Variants in CNTN4 observed in about 807,000 individuals in gnomAD.
The protein encoded by CNTN4 is contactin 4.
In CNTN4, 77 loss-of-function variants were observed where a neutral mutation model predicts 122.5. That is an observed-to-expected ratio of 0.63 (90% CI 0.52 to 0.76). The LOEUF (loss-of-function observed/expected upper bound fraction) is 0.76. Among genes scored for constraint, CNTN4 ranks in the 30% least tolerant of loss-of-function variants. The probability of loss-of-function intolerance (pLI) is 0.00; values close to 1 mark genes in which losing one functional copy is unlikely to be tolerated. For synonymous variants in CNTN4, 512 were observed against 447.0 expected (o/e 1.15, Z -1.83); for missense variants, 1,256 against 1,259.1 (o/e 1.00, Z 0.04).
At chr3:2,173,087 ATTG>A (rs1424238935) in intron 2 of CNTN4, among the ~76,000 whole-genome samples, 1 of 152,188 alleles carries the variant, frequency 6.6e-6, no homozygotes, top group Admixed American at 6.5e-5. Flanking sequence ...TTTTCAGTTC[ATTG>A]GAAGGATGGT....
chr3:2,566,440 A>G (rs183529132), intron 3 of CNTN4, among the ~76,000 whole-genome samples: 7 of 152,362 alleles, frequency 4.6e-5, no homozygotes, highest in Admixed American at 3.9e-4. Flanking sequence ...ATGTAAGATC[A>G]CGTGGCAGGT....
chr3:2,206,892 TTA>T (rs1491385020), intron 2 of CNTN4, among the ~76,000 whole-genome samples: 283 of 141,774 alleles, frequency 2.0e-3, no homozygotes, highest in Middle Eastern at 3.7e-3. Context: ...TTTTTTTTTT[TTA>T]AAGAATTTTA....
chr3:2,735,999 A>G (rs371749701), intron 4 of CNTN4: 13 of 672,544 alleles, frequency 1.9e-5, no homozygotes, highest in East Asian at 9.1e-5. Flanking sequence ...TTAGTGACCA[A>G]TGTGAAATAA....
chr3:2,296,523 A>T (rs992901076), intron 2 of CNTN4, among the ~76,000 whole-genome samples: 48 of 152,188 alleles, frequency 3.2e-4, no homozygotes, highest in African/African-American at 1.0e-3. Flanking sequence ...ACCATAATTG[A>T]CAAGTAATAA....
intron 4 of CNTN4, among the ~76,000 whole-genome samples, chr3:2,664,195 A>G (rs938603573): frequency 6.6e-5 from 10 of 152,220 alleles, no homozygotes; most frequent in Non-Finnish European, 1.2e-4. Context: ...GCTATCAGTT[A>G]AGAAAACCAA....
chr3:2,780,675 C>T (rs571081547), intron 6 of CNTN4, among the ~76,000 whole-genome samples: 9 of 152,252 alleles, frequency 5.9e-5, no homozygotes, highest in African/African-American at 2.2e-4. Context: ...GTTTCTGACC[C>T]TTAAGGGCAA....
At chr3:2,234,708 G>A (rs143180088) in intron 2 of CNTN4, among the ~76,000 whole-genome samples, 58 of 152,256 alleles carry the variant, frequency 3.8e-4, no homozygotes, top group Middle Eastern at 3.4e-3. Flanking sequence ...CTTTATCAGC[G>A]ACTCCAAAAT....
chr3:2,915,350 G>A (rs1198934387), intron 12 of CNTN4, among the ~76,000 whole-genome samples: 4 of 152,238 alleles, frequency 2.6e-5, no homozygotes, highest in Non-Finnish European at 4.4e-5. Flanking sequence ...ACTGGCATGA[G>A]CCACTGTGCC....
At chr3:2,450,314 C>G (rs2048779329) in intron 3 of CNTN4, among the ~76,000 whole-genome samples, 1 of 151,892 alleles carries the variant, frequency 6.6e-6, no homozygotes, top group Non-Finnish European at 1.5e-5. Flanking sequence ...CTGCAGTGAG[C>G]TGAGATCACA....
intron 4 of CNTN4, among the ~76,000 whole-genome samples, chr3:2,676,665 A>G (rs894715710): frequency 3.3e-5 from 5 of 152,258 alleles, no homozygotes; most frequent in Admixed American, 1.3e-4. Flanking sequence ...TCTAGGGGAA[A>G]GAAACGACAT....
At chr3:2,151,352 G>C (rs529722021) in intron 2 of CNTN4, among the ~76,000 whole-genome samples, 2 of 152,312 alleles carry the variant, frequency 1.3e-5, no homozygotes, top group South Asian at 4.1e-4. Context: ...TTTGAATGCT[G>C]ACAGGGAGGC....
At chr3:2,619,092 T>C (rs753936298) in intron 4 of CNTN4, among the ~76,000 whole-genome samples, 1 of 152,238 alleles carries the variant, frequency 6.6e-6, no homozygotes, top group African/African-American at 2.4e-5. Context: ...TGAGTATCTC[T>C]TCATAAAGTG....
At chr3:2,823,899 A>T (rs901710689) in intron 7 of CNTN4, among the ~76,000 whole-genome samples, 2 of 152,154 alleles carry the variant, frequency 1.3e-5, no homozygotes, top group African/African-American at 4.8e-5. Flanking sequence ...GAAATTTGAT[A>T]AAAAGGTAAA....
At chr3:2,499,416 A>C (rs1416259978) in intron 3 of CNTN4, among the ~76,000 whole-genome samples, 1 of 152,222 alleles carries the variant, frequency 6.6e-6, no homozygotes, top group Non-Finnish European at 1.5e-5. Flanking sequence ...ATGGTTGTAC[A>C]ACTCCATTAA....
intron 17 of CNTN4, among the ~76,000 whole-genome samples, chr3:3,036,306 G>C (rs780284169): frequency 6.6e-6 from 1 of 152,112 alleles, no homozygotes; most frequent in Non-Finnish European, 1.5e-5. Flanking sequence ...ATGGGTTTCT[G>C]TGTTTCCTTC....
intron 3 of CNTN4, among the ~76,000 whole-genome samples, chr3:2,481,055 T>TTCTTTCTTTCTTTCTTTCTCTCTTTCTC (rs1213100693): frequency 1.3e-4 from 18 of 134,910 alleles, no homozygotes; most frequent in African/African-American, 2.6e-4. Context: ...CTTTCTTTCT[T>TTCTTTCTTTCTTTCTTTCTCTCTTTCTC]TCTTTCTCTC....
intron 4 of CNTN4, among the ~76,000 whole-genome samples, chr3:2,614,192 A>C (rs1331842089): frequency 6.6e-6 from 1 of 152,182 alleles, no homozygotes; most frequent in African/African-American, 2.4e-5. Flanking sequence ...AGGAGCCACC[A>C]TGGAAACACC....
Position 2,840,496 on chromosome 3 carries a change from C to A in CNTN4, c.454+20915C>A, listed in dbSNP as rs572628742. On this transcript the variant is annotated intron_variant, in intron 7 of 24. Coordinates refer to ENST00000418658, the MANE Select transcript of CNTN4 (RefSeq NM_175607.3). ...CGGGCGGATCACGAGGTCAGGAGAT[C>A]GAGACCATCCTGGCTAACACGGTGA... Among the ~76,000 whole-genome samples the A allele has an allele frequency of 2.1e-4, 29 of 140,452 alleles. No individual in the cohort carries two copies. In the South Asian group the frequency reaches 2.3e-3, roughly 11 times the overall value. 92.1% of individuals were successfully genotyped at this position (140,452 alleles called of 152,430 possible).
At chr3:2,695,257 A>G (rs1195324030) in intron 4 of CNTN4, among the ~76,000 whole-genome samples, 2 of 152,032 alleles carry the variant, frequency 1.3e-5, no homozygotes, top group East Asian at 1.9e-4. Context: ...AGATAACCCC[A>G]ATTATTGGAA....
Sources: gnomAD v4.1 joint callset for allele counts (sites outside exome capture counted in the v4.1 genomes callset) on GRCh38, gnomAD v4.1.1 for gene constraint, MANE v1.5 for transcripts, NCBI Gene and HGNC (gene_info 2026-07-23, HGNC 2026-07-21) for gene names.